The following XKR3 variants were observed in gnomAD, a reference collection of about 807,000 sequenced individuals.
The protein encoded by XKR3 is XK related 3.
Under a neutral mutation model 40.3 loss-of-function variants are expected in XKR3, and 27 were observed. The observed-to-expected ratio is 0.67, with a 90% CI of 0.49 to 0.92. The LOEUF is 0.92. Ranked by LOEUF, XKR3 falls within the 40% of genes least tolerant of loss-of-function variation. XKR3 has a pLI of 0.00. For missense variants in XKR3, 472 were observed against 537.6 expected, an observed-to-expected ratio of 0.88 and a Z score of 1.21; for synonymous variants, 193 against 195.4, an observed-to-expected ratio of 0.99 and a Z score of 0.10.
At chr22:16,812,783 T>A (rs1455196730) in intron 1 of XKR3, among the ~76,000 whole-genome samples, 1 of 152,190 alleles carries the variant, frequency 6.6e-6, no homozygotes, top group Admixed American at 6.5e-5. Context: ...ATCACCTTAA[T>A]GAGAAACTCT....
rs911890204 is a variant in XKR3 at position 16,824,245 on chromosome 22, C to T, written c.-11+1046G>A. ...AGTACCCATTTCCACCTACGAGGAA[C>T]GGGCATGTAAGAAAATACGGGAATC... On this transcript the variant is annotated intron_variant, in intron 1 of 3. Transcript: ENST00000684488. Among the ~76,000 whole-genome samples the T allele has an allele frequency of 7.9e-5, 12 of 151,934 alleles. 1 individual carries two copies. Among genetic ancestry groups the T allele is most frequent in the African/African-American group, 2.4e-4 (10 of 41,360 alleles).
At chr22:16,798,313 A>G (rs1251589577) in intron 3 of XKR3, among the ~76,000 whole-genome samples, 2 of 152,192 alleles carry the variant, frequency 1.3e-5, no homozygotes, top group Admixed American at 6.5e-5. Context: ...AATGTCAGAA[A>G]CCAACACATG....
At chr22:16,811,068 C>T (rs773177254) in intron 1 of XKR3, among the ~76,000 whole-genome samples, 18 of 151,278 alleles carry the variant, frequency 1.2e-4, no homozygotes, top group South Asian at 2.1e-4. Flanking sequence ...GAAAACAATA[C>T]GTGATATATT....
At chr22:16,809,106 T>C (rs934465741) in intron 1 of XKR3, among the ~76,000 whole-genome samples, 1 of 152,182 alleles carries the variant, frequency 6.6e-6, no homozygotes, top group African/African-American at 2.4e-5. Context: ...GACAAGTTGT[T>C]CATTTCTTGA....
rs1311541694 is a variant in XKR3 at position 16,807,911 on chromosome 22, A to G, written c.163T>C (p.Phe55Leu). ...CGEVAFGLYM[F>L]EIYRKANDTF... ...TCATTAGCTTTTCGATAAATTTCAA[A>G]CATGTATAAACCAAAGGCAACCTCA... Residue 55 changes from phenylalanine to leucine, a missense_variant, in exon 2 of 4, where the codon TTT becomes CTT. Physicochemically the swap from Phe to Leu is conservative, Grantham distance 22. Coordinates refer to ENST00000684488, the MANE Select transcript of XKR3 (RefSeq NM_001386955.1). The G allele has an allele frequency of 2.5e-6, 4 of 1,614,048 alleles. No homozygotes were observed. Among genetic ancestry groups the G allele is most frequent in the Non-Finnish European group, 3.4e-6 (4 of 1,179,930 alleles).
rs902563665 is a variant in XKR3, at chr22:16,807,645, A to G, written c.335+94T>C. The stretch of plus-strand genomic sequence containing the variant: ...AGAGGGAAATATTTCAATTCCGTAA[A>G]CGATAATTATGGCATCCTTAATCTT... On this transcript the variant is annotated intron_variant, in intron 2 of 3. Coordinates refer to ENST00000684488, the MANE Select transcript of XKR3 (RefSeq NM_001386955.1). The G allele has an allele frequency of 1.6e-5, 18 of 1,154,584 alleles. No homozygotes were observed. In the Admixed American group the frequency reaches 3.6e-4, roughly 23 times the overall value. 71.5% of individuals were successfully genotyped at this position (1,154,584 alleles called of 1,614,324 possible). A position where few individuals can be genotyped will look rare whatever the true frequency, so the allele number is the denominator to read the frequency against.
At chr22:16,788,161 T>C (rs1270078304) in intron 3 of XKR3, among the ~76,000 whole-genome samples, 2 of 152,138 alleles carry the variant, frequency 1.3e-5, no homozygotes, top group African/African-American at 4.8e-5. Context: ...AATTCATAAG[T>C]ACATGAAAAT....
chr22:16,824,861 T>C (rs1372283529), intron 1 of XKR3, among the ~76,000 whole-genome samples: 1 of 152,182 alleles, frequency 6.6e-6, no homozygotes, highest in Non-Finnish European at 1.5e-5. Flanking sequence ...TTCCAGAGTC[T>C]AAAATTCAAG....
intron 3 of XKR3, among the ~76,000 whole-genome samples, chr22:16,795,691 G>C (rs1394337204): frequency 7.2e-5 from 11 of 152,062 alleles, no homozygotes; most frequent in Non-Finnish European, 1.6e-4. Context: ...AAAAGGCTGC[G>C]TATGATGACT....
rs2060120097 is a variant in XKR3 at position 16,791,812 on chromosome 22, AAAG to A, written c.590-7406_590-7404del. On this transcript the variant is annotated intron_variant, in intron 3 of 3. Coordinates refer to ENST00000684488, the MANE Select transcript of XKR3 (RefSeq NM_001386955.1). Reference sequence around the variant, plus strand: ...GAGAGAGAGAGAGAGAGAGAGAGAGAAAGAGAGAGAGAGAGAGAGAGACTGACT... The same window carrying A: ...GAGAGAGAGAGAGAGAGAGAGAGAGAAGAGAGAGAGAGAGAGAGACTGACT... 6.3e-5 allele frequency among the ~76,000 whole-genome samples: 3 copies of A among 47,550 alleles called. No individual in the cohort carries two copies. In the East Asian group the frequency reaches 2.4e-3, roughly 39 times the overall value. 31.2% of individuals were successfully genotyped at this position (47,550 alleles called of 152,430 possible).
intron 3 of XKR3, among the ~76,000 whole-genome samples, chr22:16,789,874 G>A (rs2060106658): frequency 6.6e-6 from 1 of 152,142 alleles, no homozygotes; most frequent in African/African-American, 2.4e-5. Flanking sequence ...CACAAAATGA[G>A]GAAAGTCAGT....
chr22:16,796,396 G>A (rs1307537626), intron 3 of XKR3, among the ~76,000 whole-genome samples: 10 of 152,036 alleles, frequency 6.6e-5, no homozygotes, highest in Non-Finnish European at 1.2e-4. Context: ...CCAAAACCTG[G>A]CAGAGACACA....
intron 1 of XKR3, among the ~76,000 whole-genome samples, chr22:16,814,773 A>G (rs557172925): frequency 1.2e-4 from 19 of 152,072 alleles, no homozygotes; most frequent in Admixed American, 1.0e-3. Context: ...GCTCTTTGTT[A>G]CTGTGTAGGT....
Position 16,799,957 on chromosome 22 carries a change from GA to G in XKR3, c.402del (p.Gln135LysfsTer34). On this transcript the variant is annotated frameshift_variant, in exon 3 of 4. Transcript: ENST00000684488. LOFTEE classifies it high-confidence loss of function. Reference sequence around the variant, plus strand: ...GTGTTTCTCTTTGTGATGCTAACTTGAGTCTCTTCCTTCTCCTGTTTAAGAT... The same window carrying G: ...GTGTTTCTCTTTGTGATGCTAACTTGGTCTCTTCCTTCTCCTGTTTAAGAT... ...LKNLKQEKEE[T>X]QVSITKRNTM... is the part of the protein sequence containing the mutation. The G allele has an allele frequency of 6.2e-7, 1 of 1,614,066 alleles. No individual in the cohort carries two copies. Among genetic ancestry groups the G allele is most frequent in the Non-Finnish European group, 8.5e-7 (1 of 1,180,002 alleles).
At position 16,783,572 on chromosome 22, in the gene XKR3, C is replaced by T; in HGVS notation, c.*47G>A. On this transcript the variant is annotated 3_prime_UTR_variant, in exon 4 of 4. Transcript: ENST00000684488. ...AATTTAAGAGCCTCTTAACAAGTCA[C>T]ATTCAGCATCTTTACTCATTGTTCT... The T allele has an allele frequency of 7.0e-7, 1 of 1,429,552 alleles. No individual in the cohort carries two copies. Among genetic ancestry groups the T allele is most frequent in the East Asian group, 2.3e-5 (1 of 43,514 alleles). The allele number at this position is 1,429,552 out of a possible 1,614,324, so 88.6% of individuals were successfully genotyped here.
intron 3 of XKR3, among the ~76,000 whole-genome samples, chr22:16,797,354 G>T (rs2146152706): frequency 6.6e-6 from 1 of 152,266 alleles, no homozygotes; most frequent in African/African-American, 2.4e-5. Context: ...TTTCCGCACA[G>T]CAAAAGAAAC....
intron 3 of XKR3, 143 bp from the exon 4 acceptor site, chr22:16,784,552 T>C (rs925292353): frequency 1.0e-4 from 87 of 847,762 alleles, no homozygotes; most frequent in Middle Eastern, 7.3e-4. Context: ...GAAAGGTTTG[T>C]TAATCTTCCA....
chr22:16,794,386 C>G (rs1277926118), intron 3 of XKR3, among the ~76,000 whole-genome samples: 1 of 151,992 alleles, frequency 6.6e-6, no homozygotes, highest in African/African-American at 2.4e-5. Context: ...GGCAGCAGAC[C>G]TCTTAGCAGA....
At chr22:16,792,223 G>A (rs1464643500) in intron 3 of XKR3, among the ~76,000 whole-genome samples, 5 of 152,008 alleles carry the variant, frequency 3.3e-5, no homozygotes, top group African/African-American at 1.2e-4. Flanking sequence ...TAGGATTACA[G>A]GTGTGAGCCA....
Sources: gnomAD v4.1 joint callset for allele counts (sites outside exome capture counted in the v4.1 genomes callset) on GRCh38, gnomAD v4.1.1 for gene constraint, MANE v1.5 for transcripts, NCBI Gene and HGNC (gene_info 2026-07-23, HGNC 2026-07-21) for gene names.